PCDHA8: variants seen among roughly 807,000 people sequenced by gnomAD.
The protein encoded by PCDHA8 is protocadherin alpha-8.
Under a neutral mutation model 61.8 loss-of-function variants are expected in PCDHA8, and 53 were observed. The observed-to-expected ratio is 0.86, with a 90% CI of 0.69 to 1.08. The LOEUF is 1.08. Ranked by LOEUF, PCDHA8 falls within the 50% of genes least tolerant of loss-of-function variation. PCDHA8 has a pLI of 0.00. For synonymous variants in PCDHA8, 618 were observed against 556.6 expected, an observed-to-expected ratio of 1.11 and a Z score of -1.55; for missense variants, 1,293 against 1,245.0, an observed-to-expected ratio of 1.04 and a Z score of -0.58.
chr5:140,926,967 A>G (rs782296182), intron 1 of PCDHA8: 4 of 1,606,666 alleles, frequency 2.5e-6, no homozygotes, highest in Middle Eastern at 1.7e-4. Context: ...TCGAGTACTC[A>G]GTGCCGGAGG....
rs1484271840 is a variant in PCDHA8 at position 140,900,260 on chromosome 5, A to G, written c.2394+56545A>G. Among the ~76,000 whole-genome samples the G allele has an allele frequency of 4.0e-5, 6 of 151,898 alleles. No homozygotes were observed. In the South Asian group the frequency reaches 1.0e-3, roughly 26 times the overall value. ...TTTTTTTATGGCTGAATAGTACTCC[A>G]TTGTGTATATGTACCACACTTTCTT... On this transcript the variant is annotated intron_variant, in intron 1 of 3. Coordinates refer to ENST00000531613, the MANE Select transcript of PCDHA8 (RefSeq NM_018911.3).
intron 3 of PCDHA8, among the ~76,000 whole-genome samples, chr5:141,005,506 A>G (rs1462164149): frequency 1.3e-5 from 2 of 151,786 alleles, no homozygotes; most frequent in East Asian, 3.9e-4. Flanking sequence ...GATCGAGACC[A>G]TCCTGGCTAA....
chr5:141,001,269 C>A (rs536985121), intron 3 of PCDHA8, among the ~76,000 whole-genome samples: 2 of 152,152 alleles, frequency 1.3e-5, no homozygotes, highest in East Asian at 3.9e-4. Context: ...CTCTTATGAA[C>A]TTTTTTTACG....
chr5:140,897,975 C>T (rs2066435180), intron 1 of PCDHA8, among the ~76,000 whole-genome samples: 1 of 152,228 alleles, frequency 6.6e-6, no homozygotes. Context: ...CTTTTGGCTG[C>T]ATAAATGTCT....
At chr5:140,920,000 A>T (rs1486623735) in intron 1 of PCDHA8, among the ~76,000 whole-genome samples, 1 of 152,178 alleles carries the variant, frequency 6.6e-6, no homozygotes, top group Non-Finnish European at 1.5e-5. Flanking sequence ...GACACAGAGG[A>T]AAAGGCCATG....
chr5:140,876,774 G>T (rs370558767), intron 1 of PCDHA8: 28 of 1,614,110 alleles, frequency 1.7e-5, no homozygotes, highest in Non-Finnish European at 2.3e-5. Flanking sequence ...GCTCGCCTTC[G>T]CTGTGGGCCA....
intron 3 of PCDHA8, among the ~76,000 whole-genome samples, chr5:140,994,922 G>A (rs184710391): frequency 4.6e-5 from 7 of 152,342 alleles, no homozygotes; most frequent in African/African-American, 9.6e-5. Context: ...ATCAGATTTT[G>A]TAGGACCTTA....
At chr5:140,875,423 G>A in intron 1 of PCDHA8, 2 of 1,524,996 alleles carry the variant, frequency 1.3e-6, no homozygotes, top group Non-Finnish European at 1.8e-6. Flanking sequence ...CCTCAGGCAA[G>A]CGATCCCTTA....
At chr5:141,007,395 CAA>C (rs35800918) in intron 3 of PCDHA8, among the ~76,000 whole-genome samples, 1,140 of 94,858 alleles carry the variant, frequency 0.012, 9 homozygotes, top group South Asian at 0.036. Context: ...TACTAAAATA[CAA>C]AAAAAAAAAA....
chr5:140,967,431 T>G, intron 1 of PCDHA8: 1 of 1,613,498 alleles, frequency 6.2e-7, no homozygotes, highest in Non-Finnish European at 8.5e-7. Flanking sequence ...CAGGCAGCCT[T>G]GCACCACCTG....
At chr5:140,978,572 A>T (rs1322135580) in intron 1 of PCDHA8, among the ~76,000 whole-genome samples, 2 of 152,234 alleles carry the variant, frequency 1.3e-5, no homozygotes, top group Non-Finnish European at 2.9e-5. Flanking sequence ...GTAATACTGA[A>T]TTGGGAATGT....
chr5:140,875,749 G>C, intron 1 of PCDHA8: 1 of 1,614,264 alleles, frequency 6.2e-7, no homozygotes, highest in Non-Finnish European at 8.5e-7. Flanking sequence ...GATCGACCGC[G>C]AGAAGCTGTG....
chr5:140,871,543 T>A (rs2053164172), intron 1 of PCDHA8: 2 of 1,503,536 alleles, frequency 1.3e-6, no homozygotes, highest in Non-Finnish European at 1.8e-6. Flanking sequence ...GTGAAATTAT[T>A]TAAAATCCAG....
chr5:140,968,659 C>T, intron 1 of PCDHA8: 1 of 1,614,160 alleles, frequency 6.2e-7, no homozygotes, highest in East Asian at 2.2e-5. Flanking sequence ...CTGACCTGGA[C>T]CTCTTTAAGG....
intron 1 of PCDHA8, chr5:140,856,868 A>C: frequency 6.3e-7 from 1 of 1,595,926 alleles, no homozygotes; most frequent in Non-Finnish European, 8.6e-7. Flanking sequence ...AGGAATAAAC[A>C]AGGAAATGAT....
intron 3 of PCDHA8, among the ~76,000 whole-genome samples, chr5:141,003,794 G>A (rs1158199764): frequency 6.6e-6 from 1 of 152,102 alleles, no homozygotes; most frequent in Non-Finnish European, 1.5e-5. Context: ...AAATCCTATT[G>A]GGTTGTAATC....
intron 1 of PCDHA8, chr5:140,869,028 G>C: frequency 1.3e-6 from 2 of 1,526,584 alleles, no homozygotes; most frequent in Non-Finnish European, 1.8e-6. Flanking sequence ...AATTCAACGA[G>C]ATTTTTAACC....
chr5:140,845,946 A>G (rs1430863915), intron 1 of PCDHA8, among the ~76,000 whole-genome samples: 2 of 149,792 alleles, frequency 1.3e-5, no homozygotes, highest in East Asian at 1.9e-4. Flanking sequence ...CTGTAAAGTC[A>G]TTTTTTAGAT....
intron 1 of PCDHA8, among the ~76,000 whole-genome samples, chr5:140,934,122 TATTA>T (rs2153618298): frequency 6.6e-6 from 1 of 152,300 alleles, no homozygotes; most frequent in East Asian, 1.9e-4. Flanking sequence ...TTTCATACTT[TATTA>T]ATTTATTTCC....
Sources: gnomAD v4.1 joint callset for allele counts (sites outside exome capture counted in the v4.1 genomes callset) on GRCh38, gnomAD v4.1.1 for gene constraint, MANE v1.5 for transcripts, NCBI Gene and HGNC (gene_info 2026-07-23, HGNC 2026-07-21) for gene names.